Variants in WDPCP observed in about 807,000 individuals in gnomAD.
WDPCP encodes WD repeat-containing and planar cell polarity effector protein fritz homolog.
WDPCP carries 71 observed loss-of-function variants against 93.1 expected under a neutral mutation model. The ratio of observed to expected loss-of-function variants is 0.76; its 90% CI spans 0.63 to 0.93. The LOEUF is 0.93. WDPCP is among the 40% of genes least tolerant of loss of function. The pLI, the probability that WDPCP is intolerant of heterozygous loss-of-function variation, is 0.00. For synonymous variants in WDPCP, 315 were observed against 315.0 expected (o/e 1.00, Z 0.00); for missense variants, 844 against 887.4 (o/e 0.95, Z 0.62).
At chr2:63,198,644 C>A (rs1314689025) in intron 14 of WDPCP, among the ~76,000 whole-genome samples, 4 of 152,162 alleles carry the variant, frequency 2.6e-5, no homozygotes, top group African/African-American at 9.7e-5. Context: ...CACCTTCACT[C>A]TCTTCCTCCT....
At chr2:63,723,815 TA>T (rs879304529) in intron 2 of WDPCP, among the ~76,000 whole-genome samples, 30 of 147,456 alleles carry the variant, frequency 2.0e-4, no homozygotes, top group Admixed American at 2.0e-4. Flanking sequence ...TTGGCAAAGT[TA>T]AAAAAAAAAG....
chr2:63,375,909 C>T (rs1691819429), intron 12 of WDPCP, among the ~76,000 whole-genome samples: 1 of 151,796 alleles, frequency 6.6e-6, no homozygotes, highest in Non-Finnish European at 1.5e-5. Context: ...GCAACTTTTC[C>T]TCATCTTTAA....
chr2:63,400,582 A>T (rs141023048), intron 10 of WDPCP, among the ~76,000 whole-genome samples: 219 of 152,332 alleles, frequency 1.4e-3, no homozygotes, highest in African/African-American at 5.1e-3. Context: ...TAATTTACAG[A>T]TTCAATGCTA....
intron 2 of WDPCP, chr2:63,752,482 C>T: frequency 1.3e-6 from 1 of 777,012 alleles, no homozygotes; most frequent in South Asian, 1.4e-5. Flanking sequence ...CCCTGGAGCG[C>T]TTGGTGTTGG....
intron 12 of WDPCP, among the ~76,000 whole-genome samples, chr2:63,361,628 G>T (rs940955185): frequency 7.9e-5 from 12 of 152,198 alleles, no homozygotes; most frequent in African/African-American, 2.9e-4. Context: ...ATTTAGGGTA[G>T]AAAACTCTCC....
At chr2:63,331,346 G>A (rs142855170) in intron 12 of WDPCP, among the ~76,000 whole-genome samples, 28 of 152,212 alleles carry the variant, frequency 1.8e-4, no homozygotes, top group African/African-American at 6.7e-4. Flanking sequence ...ATGATTTAAT[G>A]TTTTGGCCTG....
chr2:63,669,052 G>T (rs942290517), intron 2 of WDPCP, among the ~76,000 whole-genome samples: 31 of 152,162 alleles, frequency 2.0e-4, no homozygotes, highest in African/African-American at 6.8e-4. Context: ...AGCATTGCTA[G>T]GTAAACTTCT....
At chr2:63,266,627 G>A (rs368965607) in intron 13 of WDPCP, among the ~76,000 whole-genome samples, 9 of 152,250 alleles carry the variant, frequency 5.9e-5, no homozygotes, top group African/African-American at 2.2e-4. Flanking sequence ...CCAAGATGGT[G>A]AAACCCCATC....
intron 2 of WDPCP, among the ~76,000 whole-genome samples, chr2:63,656,768 CAATAA>C: frequency 6.6e-6 from 1 of 152,056 alleles, no homozygotes; most frequent in Middle Eastern, 3.4e-3. Flanking sequence ...TAGGGACAGA[CAATAA>C]AATAATAAAC....
chr2:63,400,041 G>C (rs1002500068), intron 10 of WDPCP, among the ~76,000 whole-genome samples: 3 of 151,734 alleles, frequency 2.0e-5, no homozygotes, highest in Non-Finnish European at 4.4e-5. Context: ...GTACCATAGA[G>C]CCAAATTCCA....
chr2:63,541,346 T>C (rs1328906878), intron 1 of WDPCP, among the ~76,000 whole-genome samples: 1 of 152,150 alleles, frequency 6.6e-6, no homozygotes, highest in Non-Finnish European at 1.5e-5. Flanking sequence ...ACAAATGGCT[T>C]GTTACTATCA....
rs561670275 is a variant in WDPCP, at chr2:63,187,939, T to C, written c.1916-13107A>G. Reference sequence around the variant, plus strand: ...TATCTGGAAAGGTCTTCATTTCTTCTTCATTTCTGAAGGACAGTTTTGCTG... The same window carrying C: ...TATCTGGAAAGGTCTTCATTTCTTCCTCATTTCTGAAGGACAGTTTTGCTG... On this transcript the variant is annotated intron_variant, in intron 14 of 17. Coordinates refer to ENST00000272321, the MANE Select transcript of WDPCP (RefSeq NM_015910.7). Among the ~76,000 whole-genome samples, 24 of 152,360 alleles carry C rather than the reference T, an allele frequency of 1.6e-4. No homozygotes were observed. The East Asian group carries it at 2.1e-3, about 13-fold the overall frequency.
Position 63,768,676 on chromosome 2 carries a change from C to T in WDPCP, n.308+44946G>A, listed in dbSNP as rs371971445. On this transcript the variant is annotated intron_variant and non_coding_transcript_variant, in intron 2 of 4. Coordinates refer to the WDPCP transcript ENST00000467687. ...TGCAGGCAGCTCTGACTGCTTAATGCTCCCAAAGGAAATGAACTATATTGA... is the reference window on the plus strand; with the variant it reads ...TGCAGGCAGCTCTGACTGCTTAATGTTCCCAAAGGAAATGAACTATATTGA... Among the ~76,000 whole-genome samples, 26 of 152,088 alleles carry T rather than the reference C, an allele frequency of 1.7e-4. No individual in the cohort carries two copies. In the South Asian group the frequency reaches 2.7e-3, roughly 16 times the overall value.
intron 2 of WDPCP, among the ~76,000 whole-genome samples, chr2:63,714,948 T>C (rs988090819): frequency 2.0e-5 from 3 of 152,160 alleles, no homozygotes; most frequent in Non-Finnish European, 4.4e-5. Flanking sequence ...AATAAACCAA[T>C]TGTGATATAT....
At chr2:63,161,283 T>G (rs1001614119) in intron 15 of WDPCP, among the ~76,000 whole-genome samples, 5 of 152,216 alleles carry the variant, frequency 3.3e-5, no homozygotes, top group African/African-American at 1.2e-4. Context: ...AGTTATAATT[T>G]TTGCATATAT....
chr2:63,571,033 C>T (rs4671067), intron 1 of WDPCP, among the ~76,000 whole-genome samples: 121,875 of 151,702 alleles, frequency 0.8, 49,631 homozygotes, highest in East Asian at 0.98. Flanking sequence ...GCCTCCTGAA[C>T]AGCTGGGACT....
intron 1 of WDPCP, among the ~76,000 whole-genome samples, chr2:63,499,499 T>C (rs975083032): frequency 6.6e-6 from 1 of 152,162 alleles, no homozygotes. Context: ...GAAGATTAAC[T>C]GGTGGGTAAA....
At chr2:63,341,232 G>A in intron 12 of WDPCP, among the ~76,000 whole-genome samples, 1 of 152,148 alleles carries the variant, frequency 6.6e-6, no homozygotes. Flanking sequence ...AGGTTCAAGT[G>A]ATTCTCCTGC....
intron 13 of WDPCP, among the ~76,000 whole-genome samples, chr2:63,294,634 A>T (rs1260708525): frequency 6.6e-6 from 1 of 151,972 alleles, no homozygotes; most frequent in Non-Finnish European, 1.5e-5. Flanking sequence ...ACCTAAACTA[A>T]GGGAGTTCAT....
Sources: allele counts gnomAD v4.1 joint callset (sites outside exome capture counted in the v4.1 genomes callset), GRCh38; gene constraint gnomAD v4.1.1; transcripts MANE v1.5; gene names NCBI Gene and HGNC (gene_info 2026-07-23, HGNC 2026-07-21).